The following LARGE1 variants were observed in gnomAD, a reference collection of about 807,000 sequenced individuals.
The protein encoded by LARGE1 is LARGE xylosyl- and glucuronyltransferase 1, also known as xylosyl- and glucuronyltransferase LARGE1.
Under a neutral mutation model 87.6 loss-of-function variants are expected in LARGE1, and 43 were observed. That is an observed-to-expected ratio of 0.49 (90% confidence interval 0.38 to 0.63). LARGE1 has a LOEUF of 0.63. Among genes scored for constraint, LARGE1 ranks in the 30% least tolerant of loss-of-function variants. LARGE1 has a pLI of 0.00. For missense variants in LARGE1, 802 were observed against 1,000.2 expected (o/e 0.80, Z 2.67); for synonymous variants, 434 against 394.6 (o/e 1.10, Z -1.18).
intron 6 of LARGE1, among the ~76,000 whole-genome samples, chr22:33,509,466 T>A (rs2070942433): frequency 6.6e-6 from 1 of 152,084 alleles, no homozygotes; most frequent in Non-Finnish European, 1.5e-5. Context: ...TATTTTTTTT[T>A]TAAGAGACAG....
chr22:33,832,749 G>C (rs992058654), intron 1 of LARGE1, among the ~76,000 whole-genome samples: 3 of 152,252 alleles, frequency 2.0e-5, no homozygotes, highest in African/African-American at 7.2e-5. Context: ...GCAGGCAAGA[G>C]AGCACAGAGC....
At chr22:33,773,787 G>A (rs1443629394) in intron 1 of LARGE1, among the ~76,000 whole-genome samples, 1 of 152,230 alleles carries the variant, frequency 6.6e-6, no homozygotes, top group African/African-American at 2.4e-5. Flanking sequence ...GGCACTCGTG[G>A]TTGTTGCAAG....
At chr22:33,145,488 T>A in the LARGE1 span, among the ~76,000 whole-genome samples, 1 of 152,162 alleles carries the variant, frequency 6.6e-6, no homozygotes, top group East Asian at 1.9e-4. Context: ...AGGAATGGTA[T>A]CCAGGTCAGG....
chr22:33,377,918 T>C (rs1331137765), intron 9 of LARGE1, among the ~76,000 whole-genome samples: 1 of 152,216 alleles, frequency 6.6e-6, no homozygotes, highest in Admixed American at 6.5e-5. Flanking sequence ...CGGCTATTCA[T>C]TTTTTGAGAA....
chr22:33,798,214 T>C (rs1247983691), intron 1 of LARGE1, among the ~76,000 whole-genome samples: 1 of 152,092 alleles, frequency 6.6e-6, no homozygotes, highest in Non-Finnish European at 1.5e-5. Flanking sequence ...TGCTTGAACC[T>C]GGGAGGCAGA....
At chr22:33,512,795 C>A (rs1216450618) in intron 6 of LARGE1, among the ~76,000 whole-genome samples, 1 of 152,162 alleles carries the variant, frequency 6.6e-6, no homozygotes, top group Non-Finnish European at 1.5e-5. Context: ...AACAGTGAAA[C>A]TCCATCTCAA....
chr22:33,240,015 A>G (rs941206622), intron 11 of LARGE1, among the ~76,000 whole-genome samples: 2 of 152,208 alleles, frequency 1.3e-5, no homozygotes, highest in Admixed American at 1.3e-4. Context: ...CCAGACGCCT[A>G]TGAGTGAAAA....
At chr22:33,866,735 A>T (rs2064115725) in intron 1 of LARGE1, among the ~76,000 whole-genome samples, 1 of 152,174 alleles carries the variant, frequency 6.6e-6, no homozygotes, top group African/African-American at 2.4e-5. Context: ...TGCACGGTGG[A>T]TTGCTGCGAG....
At chr22:33,111,201 GGGGAGAGGT>G in the LARGE1 span, among the ~76,000 whole-genome samples, 1 of 152,086 alleles carries the variant, frequency 6.6e-6, no homozygotes, top group Non-Finnish European at 1.5e-5. Flanking sequence ...AGGAGAGATG[GGGGAGAGGT>G]GGTAAGAATC....
At chr22:33,405,776 T>A (rs187643359) in intron 7 of LARGE1, among the ~76,000 whole-genome samples, 6 of 152,096 alleles carry the variant, frequency 3.9e-5, no homozygotes, top group African/African-American at 1.2e-4. Flanking sequence ...TGGTGCAGAG[T>A]CAATGCTGAA....
chr22:33,124,344 CAAAG>C, the LARGE1 span, among the ~76,000 whole-genome samples: 1 of 36,812 alleles, frequency 2.7e-5, no homozygotes. Context: ...GACAAAGAGA[CAAAG>C]AAAGGAAAGA....
At chr22:33,606,191 A>G (rs1301097660) in intron 4 of LARGE1, among the ~76,000 whole-genome samples, 2 of 152,044 alleles carry the variant, frequency 1.3e-5, no homozygotes, top group South Asian at 2.1e-4. Context: ...AGATAATGAG[A>G]TCAGGAGATC....
chr22:33,118,474 A>C, the LARGE1 span, among the ~76,000 whole-genome samples: 90 of 151,000 alleles, frequency 6.0e-4, no homozygotes, highest in Middle Eastern at 3.4e-3. Context: ...CCTGGGTGAC[A>C]GAGAGGGACC....
At chr22:33,701,397 G>A (rs563726354) in intron 2 of LARGE1, among the ~76,000 whole-genome samples, 32 of 152,296 alleles carry the variant, frequency 2.1e-4, no homozygotes, top group African/African-American at 7.5e-4. Context: ...TCGGCAGCGC[G>A]TGACAATAAA....
At chr22:33,558,175 G>C (rs1437010118) in intron 6 of LARGE1, among the ~76,000 whole-genome samples, 2 of 152,146 alleles carry the variant, frequency 1.3e-5, no homozygotes, top group Non-Finnish European at 2.9e-5. Flanking sequence ...GCCCTAGAAG[G>C]GGGCACACTG....
chr22:33,464,029 TAAG>T (rs2068487712), intron 6 of LARGE1, among the ~76,000 whole-genome samples: 2 of 152,116 alleles, frequency 1.3e-5, no homozygotes, highest in Admixed American at 1.3e-4. Flanking sequence ...GGAGAGCAGG[TAAG>T]AAAACTAGCA....
At chr22:33,283,371 G>C (rs552839601) in intron 12 of LARGE1, 23 bp from the exon 13 acceptor site, 2 of 1,613,992 alleles carry the variant, frequency 1.2e-6, no homozygotes, top group African/African-American at 2.7e-5. Context: ...GACAGGCAGA[G>C]AGACAGAGTC....
chr22:33,381,316 T>C (rs1383206082), intron 9 of LARGE1, among the ~76,000 whole-genome samples: 1 of 152,190 alleles, frequency 6.6e-6, no homozygotes, highest in Admixed American at 6.5e-5. Flanking sequence ...ATGACTAATA[T>C]ACCCTGTCTT....
chr22:33,666,000 T>C (rs961604968), intron 2 of LARGE1, among the ~76,000 whole-genome samples: 1 of 152,088 alleles, frequency 6.6e-6, no homozygotes, highest in African/African-American at 2.4e-5. Context: ...AAAGATCAAA[T>C]TGACTCCAAA....
Sources: allele counts gnomAD v4.1 joint callset (sites outside exome capture counted in the v4.1 genomes callset), GRCh38; gene constraint gnomAD v4.1.1; transcripts MANE v1.5; gene names NCBI Gene and HGNC (gene_info 2026-07-23, HGNC 2026-07-21).